The following MPZL1 variants were observed in gnomAD, a reference collection of about 807,000 sequenced individuals.
MPZL1 encodes the protein myelin protein zero-like protein 1.
A neutral mutation model predicts 29.3 loss-of-function variants in MPZL1; 16 were observed. The ratio of observed to expected loss-of-function variants is 0.55; its 90% CI spans 0.37 to 0.83. MPZL1 has a LOEUF of 0.83. MPZL1 is among the 40% of genes least tolerant of loss of function. MPZL1 has a pLI of 0.00. For synonymous variants in MPZL1, 143 were observed against 132.0 expected, an observed-to-expected ratio of 1.08 and a Z score of -0.57; for missense variants, 279 against 332.9, an observed-to-expected ratio of 0.84 and a Z score of 1.26.
At chr1:167,757,653 T>C (rs1053378757) in intron 1 of MPZL1, among the ~76,000 whole-genome samples, 27 of 152,316 alleles carry the variant, frequency 1.8e-4, no homozygotes, top group African/African-American at 6.0e-4. Context: ...TATTTATGCT[T>C]ATTAGGAGAT....
chr1:167,750,619 C>G (rs924728893), intron 1 of MPZL1, among the ~76,000 whole-genome samples: 1 of 152,106 alleles, frequency 6.6e-6, no homozygotes, highest in African/African-American at 2.4e-5. Flanking sequence ...GTAAAAATGC[C>G]GTTCCTTTAT....
chr1:167,734,161 C>T (rs1401563218), intron 1 of MPZL1, among the ~76,000 whole-genome samples: 2 of 151,660 alleles, frequency 1.3e-5, no homozygotes, highest in Non-Finnish European at 2.9e-5. Flanking sequence ...GAGGCTGAGG[C>T]AGGAGAATGG....
intron 1 of MPZL1, among the ~76,000 whole-genome samples, chr1:167,746,770 G>T (rs79708193): frequency 6.6e-6 from 1 of 152,048 alleles, no homozygotes; most frequent in South Asian, 2.1e-4. Flanking sequence ...GCTGTTTTTG[G>T]CTTTTTCCTA....
At chr1:167,725,679 G>A (rs888311318) in intron 1 of MPZL1, among the ~76,000 whole-genome samples, 3 of 152,062 alleles carry the variant, frequency 2.0e-5, no homozygotes, top group Non-Finnish European at 2.9e-5. Flanking sequence ...TAGAAACTGG[G>A]TTTCACTATG....
At chr1:167,770,891 A>G (rs1355050261) in intron 2 of MPZL1, among the ~76,000 whole-genome samples, 1 of 152,122 alleles carries the variant, frequency 6.6e-6, no homozygotes, top group East Asian at 1.9e-4. Flanking sequence ...TAGAGGTGAT[A>G]TATGAGTCTG....
intron 2 of MPZL1, among the ~76,000 whole-genome samples, chr1:167,771,860 C>G (rs1379020891): frequency 1.3e-5 from 2 of 151,800 alleles, no homozygotes; most frequent in African/African-American, 4.8e-5. Context: ...GAGCAAGACT[C>G]CATCTGCAAA....
At chr1:167,762,679 T>C (rs1368735530) in intron 1 of MPZL1, among the ~76,000 whole-genome samples, 1 of 152,208 alleles carries the variant, frequency 6.6e-6, no homozygotes, top group Non-Finnish European at 1.5e-5. Flanking sequence ...ACTTAAAATA[T>C]GTAAGGAGGC....
At chr1:167,746,265 A>G (rs546464029) in intron 1 of MPZL1, among the ~76,000 whole-genome samples, 1 of 152,140 alleles carries the variant, frequency 6.6e-6, no homozygotes, top group East Asian at 1.9e-4. Context: ...TGTTGGGGAA[A>G]GGGCTAGAAG....
intron 1 of MPZL1, among the ~76,000 whole-genome samples, chr1:167,746,333 A>C (rs1412126874): frequency 6.6e-6 from 1 of 151,956 alleles, no homozygotes; most frequent in Admixed American, 6.6e-5. Context: ...ACTGGCTGGA[A>C]TGGTAACCTG....
At chr1:167,760,179 T>C (rs367608949) in intron 1 of MPZL1, among the ~76,000 whole-genome samples, 1 of 152,084 alleles carries the variant, frequency 6.6e-6, no homozygotes, top group Non-Finnish European at 1.5e-5. Context: ...GAGAGATCAA[T>C]TTCTAGATAG....
At chr1:167,725,864 C>T (rs966051272) in intron 1 of MPZL1, among the ~76,000 whole-genome samples, 1 of 152,216 alleles carries the variant, frequency 6.6e-6, no homozygotes, top group Non-Finnish European at 1.5e-5. Flanking sequence ...GACCGGCCTG[C>T]CTCAGCCTCC....
chr1:167,760,837 G>C lies in MPZL1; in HGVS notation c.92-4746G>C, dbSNP rs141828344. The stretch of plus-strand genomic sequence containing the variant: ...TTGAAACTGAGTGAGGTCACCAAGA[G>C]AAGGAATGTTAAATAGATACGCAGT... On this transcript the variant is annotated intron_variant, in intron 1 of 5. Coordinates refer to ENST00000359523, the MANE Select transcript of MPZL1 (RefSeq NM_003953.6). Among the ~76,000 whole-genome samples the C allele has an allele frequency of 3.0e-3, 451 of 151,454 alleles. 7 individuals carry two copies. In the East Asian group the frequency reaches 0.038, roughly 13 times the overall value.
At chr1:167,748,655 C>T (rs1439208766) in intron 1 of MPZL1, among the ~76,000 whole-genome samples, 1 of 151,932 alleles carries the variant, frequency 6.6e-6, no homozygotes, top group South Asian at 2.1e-4. Context: ...TCTTTTGTTA[C>T]TCATGCTTTT....
intron 1 of MPZL1, among the ~76,000 whole-genome samples, chr1:167,742,018 G>A (rs950389774): frequency 1.3e-5 from 2 of 151,966 alleles, no homozygotes; most frequent in African/African-American, 4.8e-5. Context: ...GGGTGACAAA[G>A]TGAGACCCTG....
chr1:167,778,417 G>A (rs1416469004), intron 5 of MPZL1, among the ~76,000 whole-genome samples: 2 of 63,290 alleles, frequency 3.2e-5, no homozygotes, highest in African/African-American at 1.9e-4. Context: ...CCAGCTACTT[G>A]AAAGCCTAAG....
At chr1:167,735,389 C>T (rs1210488354) in intron 1 of MPZL1, among the ~76,000 whole-genome samples, 1 of 152,090 alleles carries the variant, frequency 6.6e-6, no homozygotes, top group Non-Finnish European at 1.5e-5. Flanking sequence ...GTCCTGAAAC[C>T]CTAGAATCAA....
chr1:167,739,308 T>TATAC (rs1293142491), intron 1 of MPZL1, among the ~76,000 whole-genome samples: 3 of 77,938 alleles, frequency 3.8e-5, no homozygotes, highest in African/African-American at 2.1e-4. Flanking sequence ...TATATATATA[T>TATAC]ACACATATAT....
At chr1:167,727,484 G>A (rs1313537781) in intron 1 of MPZL1, among the ~76,000 whole-genome samples, 1 of 152,176 alleles carries the variant, frequency 6.6e-6, no homozygotes, top group Non-Finnish European at 1.5e-5. Flanking sequence ...AAAATGGTAA[G>A]CTTTGGCATA....
chr1:167,756,559 A>G (rs1269948243), intron 1 of MPZL1, among the ~76,000 whole-genome samples: 1 of 151,528 alleles, frequency 6.6e-6, no homozygotes, highest in Non-Finnish European at 1.5e-5. Flanking sequence ...AGGTAGTGTC[A>G]GCATTCAAAG....
Sources: allele counts gnomAD v4.1 joint callset (sites outside exome capture counted in the v4.1 genomes callset), GRCh38; gene constraint gnomAD v4.1.1; transcripts MANE v1.5; gene names NCBI Gene and HGNC (gene_info 2026-07-23, HGNC 2026-07-21).